The following SEMA3A variants were observed in gnomAD, a reference collection of about 807,000 sequenced individuals.
The protein encoded by SEMA3A is semaphorin 3A, also known as semaphorin-3A.
SEMA3A carries 29 observed loss-of-function variants against 97.9 expected under a neutral mutation model. The ratio of observed to expected loss-of-function variants is 0.30; its 90% CI spans 0.22 to 0.40. The LOEUF (loss-of-function observed/expected upper bound fraction) is 0.40, where lower values mean the gene tolerates loss of function less well. Among genes scored for constraint, SEMA3A ranks in the 10% least tolerant of loss-of-function variants. SEMA3A has a pLI of 1.00. For missense variants in SEMA3A, 763 were observed against 951.3 expected (o/e 0.80, Z 2.60); for synonymous variants, 321 against 323.7 (o/e 0.99, Z 0.09).
intron 2 of SEMA3A, among the ~76,000 whole-genome samples, chr7:84,352,495 C>T (rs1311829734): frequency 6.6e-6 from 1 of 150,804 alleles, no homozygotes; most frequent in African/African-American, 2.4e-5. Flanking sequence ...TCTCATGTAC[C>T]CCATAAGTAT....
chr7:84,115,550 T>C (rs1719663148), intron 3 of SEMA3A, among the ~76,000 whole-genome samples: 1 of 152,156 alleles, frequency 6.6e-6, no homozygotes, highest in Non-Finnish European at 1.5e-5. Context: ...AAATTCTGTG[T>C]GGACCATAGA....
chr7:84,132,054 C>T (rs1447255964), intron 2 of SEMA3A, among the ~76,000 whole-genome samples: 1 of 152,168 alleles, frequency 6.6e-6, no homozygotes, highest in Non-Finnish European at 1.5e-5. Flanking sequence ...CACCAGCAAT[C>T]TGCAGGGCTT....
At chr7:84,485,746 G>T (rs571446662) in intron 1 of SEMA3A, among the ~76,000 whole-genome samples, 3 of 152,100 alleles carry the variant, frequency 2.0e-5, no homozygotes, top group African/African-American at 7.2e-5. Context: ...ACCAATATTA[G>T]CTGTGATTGA....
intron 3 of SEMA3A, among the ~76,000 whole-genome samples, chr7:84,302,781 T>A (rs983170841): frequency 1.3e-5 from 2 of 152,160 alleles, no homozygotes; most frequent in African/African-American, 4.8e-5. Context: ...GGGAGCCAGA[T>A]CTTACTACAT....
intron 1 of SEMA3A, among the ~76,000 whole-genome samples, chr7:84,156,138 TATC>T (rs1161844077): frequency 1.3e-5 from 2 of 152,118 alleles, no homozygotes; most frequent in African/African-American, 4.8e-5. Context: ...GCCTTTTTCA[TATC>T]ATCCTTTAAA....
At chr7:84,191,227 G>GA (rs35507547) in intron 1 of SEMA3A, among the ~76,000 whole-genome samples, 1,191 of 117,362 alleles carry the variant, frequency 0.01, 8 homozygotes, top group Admixed American at 0.016. Context: ...CCTTGACTCT[G>GA]AAAAAAAAAA....
At chr7:84,015,638 A>G (rs4732531) in intron 6 of SEMA3A, among the ~76,000 whole-genome samples, 39,078 of 152,066 alleles carry the variant, frequency 0.26, 5,935 homozygotes, top group East Asian at 0.42. Context: ...CGTACAGGTC[A>G]GCACCATTCT....
chr7:84,462,099 A>G lies in SEMA3A; in HGVS notation c.-246+30361T>C, dbSNP rs1458272122. ...ATAATTTCTCTCTCTTCGTGAATAT[A>G]TAATGTCTCATACAAGACTACCACC... On this transcript the variant is annotated intron_variant, in intron 1 of 3. Coordinates refer to the SEMA3A transcript ENST00000424555. 2.6e-5 allele frequency among the ~76,000 whole-genome samples: 4 copies of G among 152,160 alleles called. No homozygotes were observed. The East Asian group carries it at 5.8e-4, about 22-fold the overall frequency.
chr7:84,184,065 C>T (rs1438679283), intron 1 of SEMA3A, among the ~76,000 whole-genome samples: 2 of 152,032 alleles, frequency 1.3e-5, no homozygotes, highest in Non-Finnish European at 1.5e-5. Flanking sequence ...GATAGTTTTT[C>T]CCTACTTGAC....
At chr7:84,253,240 T>C (rs1205523848) in intron 3 of SEMA3A, among the ~76,000 whole-genome samples, 1 of 152,084 alleles carries the variant, frequency 6.6e-6, no homozygotes, top group African/African-American at 2.4e-5. Flanking sequence ...AACTTTTTTA[T>C]AACATTAATT....
At chr7:84,020,830 TC>T (rs1453961239) in intron 6 of SEMA3A, among the ~76,000 whole-genome samples, 2 of 152,154 alleles carry the variant, frequency 1.3e-5, no homozygotes, top group Admixed American at 6.6e-5. Context: ...TAACTGGTCT[TC>T]CCCCTGCATT....
intron 1 of SEMA3A, among the ~76,000 whole-genome samples, chr7:84,407,557 T>C (rs908530013): frequency 6.6e-5 from 10 of 151,326 alleles, no homozygotes; most frequent in Non-Finnish European, 1.0e-4. Context: ...AAAGTTCATA[T>C]GGAACCAAAA....
chr7:84,489,284 A>G (rs1391790770), intron 1 of SEMA3A: 1 of 152,044 alleles, frequency 6.6e-6, no homozygotes, highest in Non-Finnish European at 1.5e-5. Flanking sequence ...TGATTCAATT[A>G]TCTCCACCTG....
chr7:84,168,457 TTA>T (rs1797283337), intron 1 of SEMA3A, among the ~76,000 whole-genome samples: 1 of 151,992 alleles, frequency 6.6e-6, no homozygotes, highest in South Asian at 2.1e-4. Context: ...ATAGGTCTTT[TTA>T]CATGAAAAAC....
intron 2 of SEMA3A, among the ~76,000 whole-genome samples, chr7:84,330,334 T>C (rs1801881639): frequency 6.6e-6 from 1 of 152,014 alleles, no homozygotes; most frequent in Non-Finnish European, 1.5e-5. Context: ...AAAGTATGGG[T>C]GAGAAAAATG....
chr7:84,182,131 G>T (rs1797753037), intron 1 of SEMA3A, among the ~76,000 whole-genome samples: 1 of 151,934 alleles, frequency 6.6e-6, no homozygotes, highest in Non-Finnish European at 1.5e-5. Context: ...TTATTTTCTT[G>T]AGTGACTGAA....
intron 12 of SEMA3A, among the ~76,000 whole-genome samples, chr7:83,985,967 C>G (rs1443710635): frequency 1.3e-5 from 2 of 152,178 alleles, no homozygotes; most frequent in African/African-American, 4.8e-5. Flanking sequence ...GTAGCAATAA[C>G]TTGCGATAAG....
At chr7:84,029,131 A>G (rs966344846) in intron 6 of SEMA3A, among the ~76,000 whole-genome samples, 2 of 152,224 alleles carry the variant, frequency 1.3e-5, no homozygotes, top group African/African-American at 4.8e-5. Flanking sequence ...GACTAAATGG[A>G]TATATCAAAA....
intron 1 of SEMA3A, among the ~76,000 whole-genome samples, chr7:84,389,311 C>T (rs997646678): frequency 1.3e-5 from 2 of 152,028 alleles, no homozygotes; most frequent in South Asian, 2.1e-4. Flanking sequence ...CCCATGTCAA[C>T]GTGATGTGAT....
Sources: gnomAD v4.1 joint callset for allele counts (sites outside exome capture counted in the v4.1 genomes callset) on GRCh38, gnomAD v4.1.1 for gene constraint, MANE v1.5 for transcripts, NCBI Gene and HGNC (gene_info 2026-07-23, HGNC 2026-07-21) for gene names.